Variants in ADARB2 observed in about 807,000 individuals in gnomAD.
ADARB2 encodes adenosine deaminase RNA specific B2 (inactive), also known as inactive double-stranded RNA-specific editase B2.
A neutral mutation model predicts 62.2 loss-of-function variants in ADARB2; 25 were observed. The ratio of observed to expected loss-of-function variants is 0.40; its 90% CI spans 0.29 to 0.56. The LOEUF (loss-of-function observed/expected upper bound fraction) is 0.56. ADARB2 is among the 20% of genes least tolerant of loss of function. The pLI is 0.43. For missense variants in ADARB2, 1,071 were observed against 1,077.4 expected, an observed-to-expected ratio of 0.99 and a Z score of 0.08; for synonymous variants, 572 against 500.8, an observed-to-expected ratio of 1.14 and a Z score of -1.90.
intron 1 of ADARB2, among the ~76,000 whole-genome samples, chr10:1,499,654 C>T (rs1831739971): frequency 6.6e-6 from 1 of 151,994 alleles, no homozygotes; most frequent in African/African-American, 2.4e-5. Flanking sequence ...CCACCACTCA[C>T]TCATTACTCG....
At chr10:1,566,044 T>A (rs1832857052) in intron 1 of ADARB2, among the ~76,000 whole-genome samples, 1 of 142,748 alleles carries the variant, frequency 7.0e-6, no homozygotes, top group Admixed American at 7.2e-5. Context: ...ACTTCTCCTC[T>A]AGGTTGAGCT....
At chr10:1,587,720 T>A (rs1833198504) in intron 1 of ADARB2, among the ~76,000 whole-genome samples, 1 of 152,188 alleles carries the variant, frequency 6.6e-6, no homozygotes, top group Non-Finnish European at 1.5e-5. Flanking sequence ...CCCACCCAAA[T>A]CTCATCTTGA....
At chr10:1,503,279 C>A (rs1316551883) in intron 1 of ADARB2, among the ~76,000 whole-genome samples, 3 of 151,902 alleles carry the variant, frequency 2.0e-5, no homozygotes, top group Non-Finnish European at 4.4e-5. Context: ...GTCTGCCTCC[C>A]AGGCTCAAGC....
chr10:1,240,919 A>G (rs1332657716), intron 5 of ADARB2, among the ~76,000 whole-genome samples: 1 of 152,216 alleles, frequency 6.6e-6, no homozygotes, highest in African/African-American at 2.4e-5. Flanking sequence ...CGCAGGCCTC[A>G]GGGAACTGAG....
chr10:1,243,130 C>A (rs561977464), intron 4 of ADARB2, among the ~76,000 whole-genome samples: 5 of 152,306 alleles, frequency 3.3e-5, no homozygotes, highest in Middle Eastern at 3.4e-3. Context: ...TGTCATTAGA[C>A]GGGTCAGTGT....
At chr10:1,670,759 C>T (rs549319769) in intron 1 of ADARB2, among the ~76,000 whole-genome samples, 6 of 152,322 alleles carry the variant, frequency 3.9e-5, no homozygotes, top group Admixed American at 1.3e-4. Flanking sequence ...AACACTACGG[C>T]TTCCTGAGCT....
chr10:1,352,358 G>A (rs150578878), intron 3 of ADARB2, among the ~76,000 whole-genome samples: 2,084 of 152,166 alleles, frequency 0.014, 25 homozygotes, highest in African/African-American at 0.034. Context: ...AGCTGACCCC[G>A]TAGATCCTAA....
intron 1 of ADARB2, 57 bp downstream of exon 1, chr10:1,736,994 G>C (rs1835310050): frequency 6.4e-7 from 1 of 1,568,536 alleles, no homozygotes; most frequent in Admixed American, 1.7e-5. Flanking sequence ...TGAGAGGCCG[G>C]GGTGGAGAAG....
intron 3 of ADARB2, among the ~76,000 whole-genome samples, chr10:1,294,636 G>A (rs550912514): frequency 2.0e-5 from 3 of 152,170 alleles, no homozygotes; most frequent in Non-Finnish European, 4.4e-5. Context: ...GATGGTAACC[G>A]CTGGGTCACA....
intron 7 of ADARB2, among the ~76,000 whole-genome samples, chr10:1,201,530 G>A (rs1233595139): frequency 2.6e-5 from 4 of 151,976 alleles, no homozygotes; most frequent in Non-Finnish European, 4.4e-5. Context: ...GAGGTCGGGC[G>A]CTCTGAAGGG....
chr10:1,349,574 T>C (rs1166377486), intron 3 of ADARB2, among the ~76,000 whole-genome samples: 2 of 152,132 alleles, frequency 1.3e-5, no homozygotes, highest in Admixed American at 6.5e-5. Flanking sequence ...ATCCAGTAAG[T>C]GGCCTCTTTT....
intron 1 of ADARB2, among the ~76,000 whole-genome samples, chr10:1,626,695 G>T (rs1232491310): frequency 6.6e-6 from 1 of 152,210 alleles, no homozygotes; most frequent in African/African-American, 2.4e-5. Flanking sequence ...AGGGCCATGG[G>T]CAGAGGGAAG....
At chr10:1,593,402 C>T (rs913756992) in intron 1 of ADARB2, among the ~76,000 whole-genome samples, 70 of 152,236 alleles carry the variant, frequency 4.6e-4, no homozygotes, top group Non-Finnish European at 8.2e-4. Flanking sequence ...CTTGCCCTAG[C>T]CATGCTCCAT....
intron 3 of ADARB2, among the ~76,000 whole-genome samples, chr10:1,334,053 G>A (rs1831951635): frequency 6.6e-6 from 1 of 152,208 alleles, no homozygotes; most frequent in Non-Finnish European, 1.5e-5. Context: ...GGTTATTTCT[G>A]CCAAGGTGTG....
At chr10:1,635,495 TC>T (rs1170924268) in intron 1 of ADARB2, among the ~76,000 whole-genome samples, 1 of 152,192 alleles carries the variant, frequency 6.6e-6, no homozygotes, top group East Asian at 1.9e-4. Flanking sequence ...ACCCAACAGG[TC>T]CCCTTGAGAT....
At chr10:1,685,150 T>A (rs561823370) in intron 1 of ADARB2, among the ~76,000 whole-genome samples, 1 of 152,310 alleles carries the variant, frequency 6.6e-6, no homozygotes, top group East Asian at 1.9e-4. Context: ...GAGCAGGGCA[T>A]GTCTGCCAGC....
intron 1 of ADARB2, among the ~76,000 whole-genome samples, chr10:1,508,996 C>T (rs1831886426): frequency 1.3e-5 from 2 of 152,048 alleles, no homozygotes; most frequent in South Asian, 4.2e-4. Flanking sequence ...GGGAGCTAAG[C>T]GAGGAGTTTG....
At chr10:1,275,262 G>C (rs971097461) in intron 3 of ADARB2, among the ~76,000 whole-genome samples, 3 of 152,216 alleles carry the variant, frequency 2.0e-5, no homozygotes, top group African/African-American at 7.2e-5. Flanking sequence ...AAGGGCCCCT[G>C]GCTGGTAGAG....
At chr10:1,406,619 G>A (rs1053826046) in intron 1 of ADARB2, among the ~76,000 whole-genome samples, 5 of 152,230 alleles carry the variant, frequency 3.3e-5, no homozygotes, top group African/African-American at 1.2e-4. Flanking sequence ...ATTTTGGGCT[G>A]TGTTGGCTAG....
Sources: allele counts gnomAD v4.1 joint callset (sites outside exome capture counted in the v4.1 genomes callset), GRCh38; gene constraint gnomAD v4.1.1; transcripts MANE v1.5; gene names NCBI Gene and HGNC (gene_info 2026-07-23, HGNC 2026-07-21).